ZNF723: variants seen among roughly 807,000 people sequenced by gnomAD.
The protein encoded by ZNF723 is zinc finger protein 723, pseudogene.
ZNF723 carries 5 observed loss-of-function variants against 9.4 expected under a neutral mutation model. The ratio of observed to expected loss-of-function variants is 0.53; its 90% CI spans 0.28 to 1.12. The LOEUF (loss-of-function observed/expected upper bound fraction) is 1.12, where lower values mean the gene tolerates loss of function less well. Among genes scored for constraint, ZNF723 ranks in the 50% most tolerant of loss-of-function variants. The pLI, the probability that ZNF723 is intolerant of heterozygous loss-of-function variation, is 0.10. For missense variants in ZNF723, 450 were observed against 501.5 expected, an observed-to-expected ratio of 0.90 and a Z score of 0.98; for synonymous variants, 158 against 168.8, an observed-to-expected ratio of 0.94 and a Z score of 0.49.
chr19:22,843,465 GA>G (rs2145216321), intron 1 of ZNF723, among the ~76,000 whole-genome samples: 1 of 152,286 alleles, frequency 6.6e-6, no homozygotes, highest in South Asian at 2.1e-4. Context: ...ATACTTGGGT[GA>G]AAAACAACCA....
chr19:22,827,712 G>A (rs1967052688), upstream of ZNF723, among the ~76,000 whole-genome samples: 1 of 152,056 alleles, frequency 6.6e-6, no homozygotes, highest in Admixed American at 6.6e-5. Flanking sequence ...GCCTCCCAAA[G>A]TGTTAGGAAA....
intron 3 of ZNF723, among the ~76,000 whole-genome samples, chr19:22,854,595 CTT>C (rs752835942): frequency 6.7e-6 from 1 of 148,656 alleles, no homozygotes; most frequent in Non-Finnish European, 1.5e-5. Flanking sequence ...TTTCTGCCCT[CTT>C]TTGTGTCTGT....
chr19:22,832,406 C>T, intron 1 of ZNF723, 24 bp downstream of exon 1: 1 of 1,365,662 alleles, frequency 7.3e-7, no homozygotes. Context: ...GTCCGACATC[C>T]CGAGAGAGGG....
the ZNF723 span, among the ~76,000 whole-genome samples, chr19:22,826,605 C>T: frequency 6.6e-6 from 1 of 152,116 alleles, no homozygotes; most frequent in East Asian, 1.9e-4. Flanking sequence ...CTGAATCTGA[C>T]TCATGAACAC....
At chr19:22,850,559 C>A (rs771866221) in intron 3 of ZNF723, among the ~76,000 whole-genome samples, 37 of 151,314 alleles carry the variant, frequency 2.4e-4, no homozygotes, top group Non-Finnish European at 4.9e-4. Context: ...AGTGCAATGG[C>A]ACGATCTTGG....
intron 1 of ZNF723, among the ~76,000 whole-genome samples, chr19:22,835,044 G>A (rs1413285047): frequency 4.2e-5 from 6 of 141,286 alleles, no homozygotes; most frequent in Non-Finnish European, 9.1e-5. Context: ...ACATCTGTGT[G>A]TGTGATTTTT....
At chr19:22,834,627 G>A (rs1168936869) in intron 1 of ZNF723, among the ~76,000 whole-genome samples, 1 of 152,134 alleles carries the variant, frequency 6.6e-6, no homozygotes, top group Non-Finnish European at 1.5e-5. Context: ...AGCCTCTCCA[G>A]GGAGGAAGTT....
intron 1 of ZNF723, among the ~76,000 whole-genome samples, chr19:22,837,994 G>T (rs1967188993): frequency 6.6e-6 from 1 of 152,012 alleles, no homozygotes; most frequent in African/African-American, 2.4e-5. Flanking sequence ...TGCCTACACT[G>T]CACTCTTCTC....
Position 22,858,439 on chromosome 19 carries a change from C to A in ZNF723, c.*6C>A. On this transcript the variant is annotated 3_prime_UTR_variant, in exon 4 of 4. Coordinates refer to ENST00000600766, the MANE Select transcript of ZNF723 (RefSeq NM_001349726.2). ...CACAAACCTTAAAGATGTGACAATG[C>A]TTTTTATGAAATCCCAAACTTTTTT... 1.5e-6 allele frequency: 1 copy of A among 674,090 alleles called. No homozygotes were observed. The highest frequency in any genetic ancestry group is 2.5e-6 in the Non-Finnish European group (1 of 398,396). 41.8% of individuals were successfully genotyped at this position (674,090 alleles called of 1,614,324 possible). A position where few individuals can be genotyped will look rare whatever the true frequency, so the allele number is the denominator to read the frequency against.
upstream of ZNF723, chr19:22,832,188 G>C: frequency 1.9e-6 from 1 of 536,180 alleles, no homozygotes; most frequent in South Asian, 2.3e-5. Flanking sequence ...GGCCTGAATG[G>C]GCGGGGCCTT....
At chr19:22,813,142 T>G in the ZNF723 span, among the ~76,000 whole-genome samples, 82 of 152,194 alleles carry the variant, frequency 5.4e-4, 1 homozygote, top group Non-Finnish European at 9.3e-4. Flanking sequence ...CCTGGCTAAT[T>G]TTTGTATTTT....
chr19:22,856,676 G>C (rs572839644), intron 3 of ZNF723, among the ~76,000 whole-genome samples: 8 of 152,248 alleles, frequency 5.3e-5, no homozygotes, highest in African/African-American at 1.9e-4. Flanking sequence ...CAAAGTATAT[G>C]ACCAGTTATT....
chr19:22,854,557 CTTGTATCT>C (rs1967446546), intron 3 of ZNF723, among the ~76,000 whole-genome samples: 1 of 132,442 alleles, frequency 7.6e-6, no homozygotes, highest in Non-Finnish European at 1.7e-5. Flanking sequence ...TTATTTGATT[CTTGTATCT>C]TTGTCCCTCA....
chr19:22,831,706 G>C (rs1028744841), upstream of ZNF723, among the ~76,000 whole-genome samples: 1 of 152,218 alleles, frequency 6.6e-6, no homozygotes. Context: ...TCAGGAGTTT[G>C]AGACCAGTCT....
chr19:22,812,591 T>C, the ZNF723 span, among the ~76,000 whole-genome samples: 1 of 152,092 alleles, frequency 6.6e-6, no homozygotes, highest in Non-Finnish European at 1.5e-5. Context: ...TCACTAATAC[T>C]GCAGAAAGCT....
At chr19:22,846,110 C>T (rs1345738599) in intron 1 of ZNF723, among the ~76,000 whole-genome samples, 1 of 151,818 alleles carries the variant, frequency 6.6e-6, no homozygotes, top group Admixed American at 6.6e-5. Context: ...CACATCATGG[C>T]TTTTTATATG....
intron 1 of ZNF723, among the ~76,000 whole-genome samples, chr19:22,839,008 A>G (rs1390856391): frequency 6.6e-6 from 1 of 152,114 alleles, no homozygotes; most frequent in Non-Finnish European, 1.5e-5. Context: ...CGGCCTCCCA[A>G]AATGCTGGGA....
intron 1 of ZNF723, among the ~76,000 whole-genome samples, chr19:22,836,193 C>T (rs1166377586): frequency 6.6e-6 from 1 of 152,130 alleles, no homozygotes; most frequent in Non-Finnish European, 1.5e-5. Flanking sequence ...CCAGCCTGCT[C>T]ACCCTAGCCA....
At chr19:22,856,495 G>A (rs1389782941) in intron 3 of ZNF723, among the ~76,000 whole-genome samples, 1 of 152,122 alleles carries the variant, frequency 6.6e-6, no homozygotes, top group African/African-American at 2.4e-5. Context: ...CTATCAAACA[G>A]GTTCTTATGA....
Sources: gnomAD v4.1 joint callset for allele counts (sites outside exome capture counted in the v4.1 genomes callset) on GRCh38, gnomAD v4.1.1 for gene constraint, MANE v1.5 for transcripts, NCBI Gene and HGNC (gene_info 2026-07-23, HGNC 2026-07-21) for gene names.